ARL5B: variants seen among roughly 807,000 people sequenced by gnomAD.
ARL5B encodes the protein ADP-ribosylation factor-like protein 5B.
Under a neutral mutation model 26.9 loss-of-function variants are expected in ARL5B, and 10 were observed. The observed-to-expected ratio is 0.37, with a 90% CI of 0.23 to 0.63. The LOEUF (loss-of-function observed/expected upper bound fraction) is 0.63. ARL5B is among the 30% of genes least tolerant of loss of function. The probability of loss-of-function intolerance (pLI) is 0.62; values close to 1 mark genes in which losing one functional copy is unlikely to be tolerated. For missense variants in ARL5B, 167 were observed against 213.9 expected (o/e 0.78, Z 1.37); for synonymous variants, 87 against 70.4 (o/e 1.24, Z -1.18).
chr10:18,669,731 G>A (rs1342076076), intron 3 of ARL5B, among the ~76,000 whole-genome samples: 6 of 151,966 alleles, frequency 3.9e-5, no homozygotes, highest in Non-Finnish European at 7.4e-5. Context: ...GGTGGCTCAC[G>A]CCTGTAATCC....
chr10:18,662,148 G>T (rs1348308484), intron 1 of ARL5B, among the ~76,000 whole-genome samples: 1 of 152,178 alleles, frequency 6.6e-6, no homozygotes, highest in Admixed American at 6.5e-5. Flanking sequence ...AGATATATTA[G>T]AATAACAGGC....
At chr10:18,666,466 A>G (rs969254486) in intron 1 of ARL5B, 109 bp from the exon 2 acceptor site, 8 of 859,334 alleles carry the variant, frequency 9.3e-6, no homozygotes, top group Non-Finnish European at 1.4e-5. Context: ...AGTGATAGAT[A>G]TTCAGTGAAT....
At chr10:18,659,768 G>C in intron 1 of ARL5B, 85 bp downstream of exon 1, 8 of 1,572,644 alleles carry the variant, frequency 5.1e-6, no homozygotes, top group Non-Finnish European at 6.9e-6. Context: ...AGGGGACAGA[G>C]CGTTCGGAGA....
In ARL5B at chr10:18,659,591, G is replaced by A. The variant is rs754725063; in HGVS notation, c.-47G>A. 6.3e-7 allele frequency: 1 copy of A among 1,584,308 alleles called. No homozygotes were observed. Among genetic ancestry groups the A allele is most frequent in the Non-Finnish European group, 8.6e-7 (1 of 1,166,874 alleles). ...GCGCCGCGGTGGGGGACCCGGCGCA[G>A]CGGCACCTGCTGCCGAGGGACCCCG... On this transcript the variant is annotated 5_prime_UTR_variant, in exon 1 of 6. Transcript: ENST00000377275.
rs147330353 is a variant in ARL5B, at chr10:18,675,983, A to G, written c.*767A>G. 7.4e-4 allele frequency: 112 copies of G among 152,250 alleles called. No individual in the cohort carries two copies. The highest frequency in any genetic ancestry group is 2.7e-3 in the African/African-American group (112 of 41,572). 9.4% of individuals were successfully genotyped at this position (152,250 alleles called of 1,614,324 possible). A position where few individuals can be genotyped will look rare whatever the true frequency, so the allele number is the denominator to read the frequency against. On this transcript the variant is annotated 3_prime_UTR_variant, in exon 6 of 6. Coordinates refer to ENST00000377275, the MANE Select transcript of ARL5B (RefSeq NM_178815.5). ...TGAATAAATCTGTTATTTTAAGAAT[A>G]TCACATTATTCAATGCATATAAAAC...
chr10:18,659,629 G>T lies in ARL5B; in HGVS notation c.-9G>T. ...CCGAGGGACCCCGCGGCCCGCCCCG[G>T]TGCTCGTGATGGGGCTGATCTTCGC... On this transcript the variant is annotated 5_prime_UTR_variant, in exon 1 of 6. Transcript: ENST00000377275. 1 of 1,609,432 alleles carries T rather than the reference G, an allele frequency of 6.2e-7. No individual in the cohort carries two copies. Among genetic ancestry groups the T allele is most frequent in the Non-Finnish European group, 8.5e-7 (1 of 1,178,114 alleles).
Position 18,668,561 on chromosome 10 carries a change from A to G in ARL5B, c.139A>G (p.Thr47Ala), listed in dbSNP as rs1328203971. The change falls in exon 3 of 6, where the codon ACC (threonine) becomes GCC (alanine). Residue 47 changes from threonine to alanine, a missense_variant. Coordinates refer to ENST00000377275, the MANE Select transcript of ARL5B (RefSeq NM_178815.5). ...GAATGAAGTGGTTCATACTTCTCCA[A>G]CCATAGGAAGCAATGTTGAAGAAAT... is the stretch of plus-strand genomic sequence containing the variant. ...LMNEVVHTSP[T>A]IGSNVEEIVV... 2 of 1,614,122 alleles carry G rather than the reference A, an allele frequency of 1.2e-6. No homozygotes were observed. The highest frequency in any genetic ancestry group is 1.7e-5 in the Admixed American group (1 of 60,006).
chr10:18,669,612 T>A (rs1027017223), intron 3 of ARL5B, among the ~76,000 whole-genome samples: 1 of 152,200 alleles, frequency 6.6e-6, no homozygotes. Flanking sequence ...TCCTTGATAG[T>A]ATGATTTCAC....
chr10:18,662,753 G>C (rs1437987345), intron 1 of ARL5B, among the ~76,000 whole-genome samples: 2 of 151,166 alleles, frequency 1.3e-5, no homozygotes, highest in South Asian at 2.1e-4. Flanking sequence ...ACCCAGGCTG[G>C]AGTGCAGTGG....
At chr10:18,671,651 T>TCCTCCC (rs2059887469) in intron 3 of ARL5B, among the ~76,000 whole-genome samples, 2 of 149,330 alleles carry the variant, frequency 1.3e-5, no homozygotes, top group Non-Finnish European at 3.0e-5. Context: ...CTCCTCCTCC[T>TCCTCCC]CCTCCCCCTC....
At chr10:18,662,972 G>T (rs1394710552) in intron 1 of ARL5B, among the ~76,000 whole-genome samples, 2 of 151,410 alleles carry the variant, frequency 1.3e-5, no homozygotes, top group East Asian at 3.9e-4. Flanking sequence ...CAAAGTGCTA[G>T]GATTACAGAC....
intron 3 of ARL5B, among the ~76,000 whole-genome samples, chr10:18,669,483 A>G (rs1055106015): frequency 2.0e-5 from 3 of 152,210 alleles, no homozygotes; most frequent in African/African-American, 7.2e-5. Context: ...TCTGCCACTT[A>G]TGAGTTCAGA....
intron 1 of ARL5B, among the ~76,000 whole-genome samples, chr10:18,661,661 A>T (rs1031155620): frequency 1.3e-5 from 2 of 152,244 alleles, no homozygotes; most frequent in African/African-American, 4.8e-5. Flanking sequence ...CATGAAAAAA[A>T]ATGCAGTGTG....
intron 3 of ARL5B, among the ~76,000 whole-genome samples, chr10:18,670,157 G>A (rs61839375): frequency 0.14 from 20,632 of 152,058 alleles, 1,616 homozygotes; most frequent in East Asian, 0.4. Flanking sequence ...CCAATGCAAC[G>A]TGTAAGTAAA....
chr10:18,668,297 A>G (rs1420603530), intron 2 of ARL5B, among the ~76,000 whole-genome samples: 5 of 151,752 alleles, frequency 3.3e-5, no homozygotes, highest in African/African-American at 7.3e-5. Context: ...TTTCTTTTCC[A>G]TCAAGCTTGC....
At chr10:18,667,170 T>A (rs2059865104) in intron 2 of ARL5B, among the ~76,000 whole-genome samples, 1 of 152,238 alleles carries the variant, frequency 6.6e-6, no homozygotes. Context: ...TACCTTCCAT[T>A]ATCCTTTCAA....
At chr10:18,667,863 C>T (rs976151774) in intron 2 of ARL5B, among the ~76,000 whole-genome samples, 1 of 152,034 alleles carries the variant, frequency 6.6e-6, no homozygotes, top group Non-Finnish European at 1.5e-5. Context: ...TACAAGCGCC[C>T]ACCACCACGC....
chr10:18,670,310 A>C (rs1179764579), intron 3 of ARL5B, among the ~76,000 whole-genome samples: 2 of 151,918 alleles, frequency 1.3e-5, no homozygotes, highest in Non-Finnish European at 2.9e-5. Context: ...AACTAGAATA[A>C]GTTAGAAAGT....
At chr10:18,673,697 A>G (rs1301493277) in intron 4 of ARL5B, among the ~76,000 whole-genome samples, 1 of 152,022 alleles carries the variant, frequency 6.6e-6, no homozygotes, top group South Asian at 2.1e-4. Context: ...GCAACATACT[A>G]CCATATTTGC....
Sources: gnomAD v4.1 joint callset for allele counts (sites outside exome capture counted in the v4.1 genomes callset) on GRCh38, gnomAD v4.1.1 for gene constraint, MANE v1.5 for transcripts, NCBI Gene and HGNC (gene_info 2026-07-23, HGNC 2026-07-21) for gene names.